The following GLCE variants were observed in gnomAD, a reference collection of about 807,000 sequenced individuals.
GLCE encodes glucuronic acid epimerase.
GLCE carries 19 observed loss-of-function variants against 47.9 expected under a neutral mutation model. The observed-to-expected ratio is 0.40, with a 90% confidence interval of 0.28 to 0.58. The LOEUF (loss-of-function observed/expected upper bound fraction) is 0.58, where lower values mean the gene tolerates loss of function less well. Among genes scored for constraint, GLCE ranks in the 20% least tolerant of loss-of-function variants. The pLI, the probability that GLCE is intolerant of heterozygous loss-of-function variation, is 0.48. For missense variants in GLCE, 556 were observed against 743.3 expected (o/e 0.75, Z 2.93); for synonymous variants, 245 against 263.4 (o/e 0.93, Z 0.68).
intron 2 of GLCE, among the ~76,000 whole-genome samples, chr15:69,222,416 A>G (rs1051546741): frequency 6.6e-6 from 1 of 152,174 alleles, no homozygotes; most frequent in Non-Finnish European, 1.5e-5. Context: ...GACAGGGACT[A>G]TGCGAGGGGC....
intron 1 of GLCE, among the ~76,000 whole-genome samples, chr15:69,195,117 G>A (rs1053406207): frequency 6.6e-6 from 1 of 152,076 alleles, no homozygotes; most frequent in African/African-American, 2.4e-5. Flanking sequence ...AGGTGGGGGA[G>A]GATGTGATAA....
At chr15:69,201,483 T>A (rs1278498003) in intron 1 of GLCE, among the ~76,000 whole-genome samples, 2 of 151,768 alleles carry the variant, frequency 1.3e-5, no homozygotes, top group East Asian at 3.9e-4. Context: ...AGTATACTTA[T>A]AAAAACAAGT....
At chr15:69,194,086 T>G (rs1231689665) in intron 1 of GLCE, among the ~76,000 whole-genome samples, 3 of 152,142 alleles carry the variant, frequency 2.0e-5, no homozygotes, top group Non-Finnish European at 4.4e-5. Context: ...AAGCCTTACC[T>G]ATTTTTAGTT....
At chr15:69,207,551 G>T (rs1313533208) in intron 1 of GLCE, among the ~76,000 whole-genome samples, 1 of 151,936 alleles carries the variant, frequency 6.6e-6, no homozygotes, top group African/African-American at 2.4e-5. Context: ...TACATTTAAG[G>T]TTTATTCATA....
intron 1 of GLCE, among the ~76,000 whole-genome samples, chr15:69,205,778 T>C (rs189944844): frequency 6.6e-6 from 1 of 152,246 alleles, no homozygotes; most frequent in Non-Finnish European, 1.5e-5. Context: ...TGTTTTGTTA[T>C]ATTCTCTTTG....
intron 2 of GLCE, among the ~76,000 whole-genome samples, chr15:69,239,703 T>C (rs2052640082): frequency 6.6e-6 from 1 of 152,200 alleles, no homozygotes; most frequent in Non-Finnish European, 1.5e-5. Context: ...GTATCAAATA[T>C]GTTAAAAATC....
chr15:69,225,687 T>C (rs1215147268), intron 2 of GLCE, among the ~76,000 whole-genome samples: 1 of 152,188 alleles, frequency 6.6e-6, no homozygotes, highest in Non-Finnish European at 1.5e-5. Flanking sequence ...TTCAGAGTGG[T>C]AGTGCTGATA....
intron 2 of GLCE, among the ~76,000 whole-genome samples, chr15:69,230,734 A>C (rs141418303): frequency 6.6e-6 from 1 of 152,374 alleles, no homozygotes; most frequent in African/African-American, 2.4e-5. Flanking sequence ...ACTAATTTCT[A>C]GATGTATTTG....
At chr15:69,179,456 T>C (rs2051719771) in intron 1 of GLCE, among the ~76,000 whole-genome samples, 1 of 152,186 alleles carries the variant, frequency 6.6e-6, no homozygotes, top group Non-Finnish European at 1.5e-5. Context: ...TTATTCAGAT[T>C]TCACCAGTTT....
At chr15:69,248,454 A>C (rs2052786519) in intron 2 of GLCE, among the ~76,000 whole-genome samples, 1 of 152,220 alleles carries the variant, frequency 6.6e-6, no homozygotes, top group Non-Finnish European at 1.5e-5. Context: ...TTGGAAAGAA[A>C]ACAAAGTTGT....
chr15:69,221,120 A>G lies in GLCE; in HGVS notation c.-14+10714A>G, dbSNP rs183404267. 7.2e-5 allele frequency among the ~76,000 whole-genome samples: 11 copies of G among 152,302 alleles called. No homozygotes were observed. In the East Asian group the frequency reaches 1.9e-3, roughly 27 times the overall value. On this transcript the variant is annotated intron_variant, in intron 2 of 4. Coordinates refer to ENST00000261858, the MANE Select transcript of GLCE (RefSeq NM_015554.3). ...GCCCTCTAGTGTATTCCATTGATCT[A>G]TATGTCTATGCCAGTACCATACTGT...
intron 2 of GLCE, among the ~76,000 whole-genome samples, chr15:69,226,202 C>T (rs2052445218): frequency 6.6e-6 from 1 of 152,254 alleles, no homozygotes; most frequent in Non-Finnish European, 1.5e-5. Flanking sequence ...GAGTATTTGA[C>T]ACAAATATTA....
chr15:69,232,927 G>C (rs2052545043), intron 2 of GLCE, among the ~76,000 whole-genome samples: 1 of 152,168 alleles, frequency 6.6e-6, no homozygotes, highest in South Asian at 2.1e-4. Flanking sequence ...GAGTATTTCT[G>C]TTTGGGTGGA....
At chr15:69,173,660 G>A (rs1486961079) in intron 1 of GLCE, among the ~76,000 whole-genome samples, 1 of 151,972 alleles carries the variant, frequency 6.6e-6, no homozygotes, top group Non-Finnish European at 1.5e-5. Flanking sequence ...TTAATCAAGC[G>A]ATCCTTTAAG....
At chr15:69,240,283 CAAAAAAAAAAAA>C (rs545688611) in intron 2 of GLCE, among the ~76,000 whole-genome samples, 4 of 18,422 alleles carry the variant, frequency 2.2e-4, no homozygotes, top group African/African-American at 7.1e-4. Flanking sequence ...GACTCCGTCT[CAAAAAAAAAAAA>C]AAAAAAAAAA....
intron 1 of GLCE, among the ~76,000 whole-genome samples, chr15:69,177,766 C>T (rs144699376): frequency 6.6e-6 from 1 of 152,240 alleles, no homozygotes; most frequent in Non-Finnish European, 1.5e-5. Flanking sequence ...CCTCCACACT[C>T]CACCCTCTCA....
At chr15:69,201,852 T>C (rs988439355) in intron 1 of GLCE, among the ~76,000 whole-genome samples, 2 of 151,982 alleles carry the variant, frequency 1.3e-5, no homozygotes, top group African/African-American at 4.8e-5. Flanking sequence ...TTTACTTTTC[T>C]TGGTAAAGAC....
intron 2 of GLCE, among the ~76,000 whole-genome samples, chr15:69,229,552 A>G (rs1439255264): frequency 6.6e-6 from 1 of 152,196 alleles, no homozygotes; most frequent in African/African-American, 2.4e-5. Context: ...CATTTAAGAA[A>G]CTTTTTTCTT....
intron 2 of GLCE, among the ~76,000 whole-genome samples, chr15:69,211,143 G>A (rs1412845470): frequency 1.3e-5 from 2 of 151,866 alleles, no homozygotes; most frequent in African/African-American, 4.8e-5. Flanking sequence ...GGAGGTGCTA[G>A]TTTTCTGAAG....
Sources: allele counts gnomAD v4.1 joint callset (sites outside exome capture counted in the v4.1 genomes callset), GRCh38; gene constraint gnomAD v4.1.1; transcripts MANE v1.5; gene names NCBI Gene and HGNC (gene_info 2026-07-23, HGNC 2026-07-21).